The following OS9 variants were observed in gnomAD, a reference collection of about 807,000 sequenced individuals.
The protein encoded by OS9 is protein OS-9.
In OS9, 58 loss-of-function variants were observed where a neutral mutation model predicts 84.7. The observed-to-expected ratio is 0.68, with a 90% CI of 0.55 to 0.85. The LOEUF (loss-of-function observed/expected upper bound fraction) is 0.85, where lower values mean the gene tolerates loss of function less well. Among genes scored for constraint, OS9 ranks in the 40% least tolerant of loss-of-function variants. OS9 has a pLI of 0.00. For synonymous variants in OS9, 278 were observed against 320.8 expected (o/e 0.87, Z 1.43); for missense variants, 760 against 850.9 (o/e 0.89, Z 1.33).
chr12:57,699,766 G>C (rs1029787619), intron 5 of OS9, among the ~76,000 whole-genome samples: 1 of 152,218 alleles, frequency 6.6e-6, no homozygotes, highest in Admixed American at 6.5e-5. Flanking sequence ...AATTTGAGCA[G>C]AGTTGTGAAG....
chr12:57,697,862 A>AACACACACACACACACACACACACAC (rs71084786), intron 5 of OS9, among the ~76,000 whole-genome samples: 1 of 116,356 alleles, frequency 8.6e-6, no homozygotes, highest in African/African-American at 3.5e-5. Context: ...AACATAAGCA[A>AACACACACACACACACACACACACAC]ACACACACAC....
At chr12:57,720,560 T>A (rs1402084515) in intron 14 of OS9, 42 bp downstream of exon 14, 1 of 1,456,398 alleles carries the variant, frequency 6.9e-7, no homozygotes, top group African/African-American at 1.4e-5. Flanking sequence ...CCAGCCCTCC[T>A]GGAGTGGAGG....
Position 57,720,203 on chromosome 12 carries a change from C to T in OS9, c.1705C>T (p.Leu569=). ...VLEMKRENPQ[L]KQIEGLVKEL... ...CGAGATGAAACGGGAAAACCCACAG[C>T]TGAAACAAATCGAGGGGCTGGTGAA... The change falls in exon 13 of 15, where the codon CTG becomes TTG. Residue 569 remains leucine, a synonymous_variant. Transcript: ENST00000315970. 1 of 1,614,222 alleles carries T rather than the reference C, an allele frequency of 6.2e-7. No individual in the cohort carries two copies. The highest frequency in any genetic ancestry group is 8.5e-7 in the Non-Finnish European group (1 of 1,180,058).
chr12:57,721,058 G>C lies in OS9; in HGVS notation c.*149G>C. 2 of 863,746 alleles carry C rather than the reference G, an allele frequency of 2.3e-6. No homozygotes were observed. Among genetic ancestry groups the C allele is most frequent in the Non-Finnish European group, 3.6e-6 (2 of 560,640 alleles). The allele number at this position is 863,746 out of a possible 1,614,324, so 53.5% of individuals were successfully genotyped here. A position where few individuals can be genotyped will look rare whatever the true frequency, so the allele number is the denominator to read the frequency against. ...CTCTCGGGCAACTCTGTGGGTGTGGGGGCCCTGGGTGAATGCTGCTGCCCC... is the reference window on the plus strand; with the variant it reads ...CTCTCGGGCAACTCTGTGGGTGTGGCGGCCCTGGGTGAATGCTGCTGCCCC... On this transcript the variant is annotated 3_prime_UTR_variant, in exon 15 of 15. Transcript: ENST00000315970.
At position 57,720,214 on chromosome 12, in the gene OS9, C is replaced by T. The variant is rs371421947; in HGVS notation, c.1716C>T (p.Ile572=). 1.2e-5 allele frequency: 20 copies of T among 1,614,150 alleles called. 1 individual carries two copies. The highest frequency in any genetic ancestry group is 8.3e-5 in the Admixed American group (5 of 60,032). ...GGGAAAACCCACAGCTGAAACAAAT[C>T]GAGGGGCTGGTGAAGGAGCTGCTGG... The part of the protein sequence containing the change: ...MKRENPQLKQ[I]EGLVKELLER... Residue 572 remains isoleucine, a synonymous_variant, in exon 13 of 15, where the codon ATC becomes ATT. Coordinates refer to ENST00000315970, the MANE Select transcript of OS9 (RefSeq NM_006812.4).
At chr12:57,707,289 A>G (rs564670076) in intron 5 of OS9, among the ~76,000 whole-genome samples, 16 of 152,316 alleles carry the variant, frequency 1.1e-4, no homozygotes, top group Middle Eastern at 3.4e-3. Context: ...TGTTATAAAG[A>G]AATACCTGTG....
At position 57,721,277 on chromosome 12, in the gene OS9, A is replaced by G. The variant is rs963267534; in HGVS notation, c.*368A>G. The G allele has an allele frequency of 1.8e-5, 4 of 225,066 alleles. No homozygotes were observed. Among genetic ancestry groups the G allele is most frequent in the Non-Finnish European group, 3.6e-5 (4 of 111,852 alleles). 13.9% of individuals were successfully genotyped at this position (225,066 alleles called of 1,614,324 possible). ...GTAGAGAGAGCAAGGAGGGCAGGAC[A>G]CTTAGCAGGCACTGAGCAAGCAGGC... On this transcript the variant is annotated 3_prime_UTR_variant, in exon 15 of 15. Transcript: ENST00000315970.
chr12:57,707,025 C>T (rs562011966), intron 5 of OS9, among the ~76,000 whole-genome samples: 9 of 152,040 alleles, frequency 5.9e-5, no homozygotes, highest in Admixed American at 2.0e-4. Flanking sequence ...ATTTCATAGG[C>T]CATTATTCAT....
At chr12:57,703,058 T>A (rs543383181) in intron 5 of OS9, among the ~76,000 whole-genome samples, 1 of 152,316 alleles carries the variant, frequency 6.6e-6, no homozygotes, top group South Asian at 2.1e-4. Context: ...ATCTTTTGTT[T>A]TGCTTTGTTT....
Position 57,718,407 on chromosome 12 carries a change from A to C in OS9, c.1396A>C (p.Asn466His). Residue 466 changes from asparagine (N) to histidine (H), a missense_variant, in exon 11 of 15, where the codon AAC becomes CAC. By Grantham distance (68) the Asn-to-His change is moderately conservative. Coordinates refer to ENST00000315970, the MANE Select transcript of OS9 (RefSeq NM_006812.4). ...VKAGMERELE[N>H]IIQETEKELD... ...GGCTGGCATGGAGCGGGAACTGGAA[A>C]ACATCATCCAGGAGGCAAGCCCAGC... is the stretch of plus-strand genomic sequence containing the variant. 1 of 1,613,388 alleles carries C rather than the reference A, an allele frequency of 6.2e-7. No individual in the cohort carries two copies. Among genetic ancestry groups the C allele is most frequent in the Non-Finnish European group, 8.5e-7 (1 of 1,179,602 alleles).
Position 57,720,173 on chromosome 12 carries a change from G to C in OS9, c.1675G>C (p.Val559Leu), listed in dbSNP as rs1954632929. 6 of 1,614,210 alleles carry C rather than the reference G, an allele frequency of 3.7e-6. No individual in the cohort carries two copies. The highest frequency in any genetic ancestry group is 5.1e-6 in the Non-Finnish European group (6 of 1,180,034). ...CGGAGGCCCTAATCAGGATCTGACTGTCCTCGAGATGAAACGGGAAAACCC... is the reference window on the plus strand; with the variant it reads ...CGGAGGCCCTAATCAGGATCTGACTCTCCTCGAGATGAAACGGGAAAACCC... ...RLGGPNQDLTVLEMKRENPQL... is the reference protein window; with the variant it reads ...RLGGPNQDLTLLEMKRENPQL... The change falls in exon 13 of 15, where the codon GTC becomes CTC. Residue 559 changes from valine to leucine, a missense_variant. Val to Leu is a conservative substitution (Grantham distance 32, BLOSUM62 1). Coordinates refer to ENST00000315970, the MANE Select transcript of OS9 (RefSeq NM_006812.4).
chr12:57,720,780 C>G lies in OS9; in HGVS notation c.1879-4C>G, dbSNP rs1230827386. On this transcript the variant is annotated splice_region_variant and splice_polypyrimidine_tract_variant and intron_variant, in intron 14 of 14. Transcript: ENST00000315970. ...TCCAGCCCACCTCTACCCTCTCCCA[C>G]CAGGTGCCGGGAGCTGAAGAGGCCC... The G allele has an allele frequency of 3.7e-6, 6 of 1,602,094 alleles. No homozygotes were observed. The South Asian group carries it at 5.6e-5, about 15-fold the overall frequency.
At position 57,694,139 on chromosome 12, in the gene OS9, C is replaced by T. The variant is rs768225014; in HGVS notation, c.-23C>T. 11 of 1,613,762 alleles carry T rather than the reference C, an allele frequency of 6.8e-6. No individual in the cohort carries two copies. In the Admixed American group the frequency reaches 1.2e-4, roughly 17 times the overall value. On this transcript the variant is annotated 5_prime_UTR_variant, in exon 1 of 15. Transcript: ENST00000315970. The stretch of plus-strand genomic sequence containing the variant: ...CTGGCTTAGGGCGGAAACAGATTCT[C>T]TGCATAAGAAGGGGAACGAAAGATG...
At chr12:57,718,024 C>T in intron 10 of OS9, 66 bp downstream of exon 10, 1 of 1,537,080 alleles carries the variant, frequency 6.5e-7, no homozygotes, top group East Asian at 2.3e-5. Flanking sequence ...AAAAACTACC[C>T]TGACCTGGGA....
chr12:57,704,699 A>G (rs1425707006), intron 5 of OS9, among the ~76,000 whole-genome samples: 2 of 152,124 alleles, frequency 1.3e-5, no homozygotes, highest in Non-Finnish European at 2.9e-5. Context: ...TTCTATCTAT[A>G]CTTTGTCTTC....
At chr12:57,708,847 A>C (rs552589523) in intron 5 of OS9, among the ~76,000 whole-genome samples, 80 of 152,284 alleles carry the variant, frequency 5.3e-4, no homozygotes, top group Non-Finnish European at 9.7e-4. Flanking sequence ...TATGTGCTGC[A>C]GTAAGTTTGT....
At chr12:57,699,692 G>A (rs1565768413) in intron 5 of OS9, among the ~76,000 whole-genome samples, 2 of 152,210 alleles carry the variant, frequency 1.3e-5, no homozygotes, top group South Asian at 4.1e-4. Context: ...CTACTTCCAG[G>A]CACCCCTGAC....
intron 5 of OS9, among the ~76,000 whole-genome samples, chr12:57,697,411 G>T (rs1183047834): frequency 6.6e-6 from 1 of 152,234 alleles, no homozygotes; most frequent in Non-Finnish European, 1.5e-5. Context: ...GTGATGGGAA[G>T]TAGTTGGATT....
At chr12:57,697,404 A>T (rs978623136) in intron 5 of OS9, among the ~76,000 whole-genome samples, 3 of 152,224 alleles carry the variant, frequency 2.0e-5, no homozygotes, top group African/African-American at 7.2e-5. Context: ...AGTGGAGGTG[A>T]TGGGAAGTAG....
Sources: allele counts gnomAD v4.1 joint callset (sites outside exome capture counted in the v4.1 genomes callset), GRCh38; gene constraint gnomAD v4.1.1; transcripts MANE v1.5; gene names NCBI Gene and HGNC (gene_info 2026-07-23, HGNC 2026-07-21).